RANBP2: variants seen among roughly 807,000 people sequenced by gnomAD.
RANBP2 encodes E3 SUMO-protein ligase RanBP2.
Under a neutral mutation model 303.6 loss-of-function variants are expected in RANBP2, and 57 were observed. That is an observed-to-expected ratio of 0.19 (90% CI 0.15 to 0.23). The LOEUF (loss-of-function observed/expected upper bound fraction) is 0.23. RANBP2 is among the 10% of genes least tolerant of loss of function. The pLI is 1.00. For synonymous variants in RANBP2, 1,167 were observed against 1,301.5 expected, an observed-to-expected ratio of 0.90 and a Z score of 2.23; for missense variants, 3,138 against 3,780.8, an observed-to-expected ratio of 0.83 and a Z score of 4.46.
chr2:109,490,516 C>A, the RANBP2 span: 19 of 1,082,554 alleles, frequency 1.8e-5, no homozygotes, highest in Non-Finnish European at 2.1e-5. Context: ...AATAAAGTTC[C>A]ACATAGGAAG....
the RANBP2 span, among the ~76,000 whole-genome samples, chr2:109,353,619 C>G: frequency 2.6e-5 from 4 of 152,160 alleles, no homozygotes; most frequent in Non-Finnish European, 5.9e-5. Flanking sequence ...GGTGAGAGTG[C>G]CTCTGTCTCC....
the RANBP2 span, among the ~76,000 whole-genome samples, chr2:109,065,698 A>G: frequency 1.3e-5 from 2 of 152,358 alleles, no homozygotes; most frequent in South Asian, 4.1e-4. Flanking sequence ...GGATGCATGT[A>G]GGAAGTCTCA....
the RANBP2 span, among the ~76,000 whole-genome samples, chr2:109,097,487 TC>T: frequency 6.6e-6 from 1 of 152,264 alleles, no homozygotes; most frequent in East Asian, 1.9e-4. Flanking sequence ...AAGGAGATAG[TC>T]TTTCAGAAGC....
At chr2:109,239,298 T>C in the RANBP2 span, among the ~76,000 whole-genome samples, 1 of 152,174 alleles carries the variant, frequency 6.6e-6, no homozygotes, top group Non-Finnish European at 1.5e-5. Context: ...GTATGGAAGC[T>C]TTTATCCCTT....
chr2:108,900,770 G>T, the RANBP2 span, among the ~76,000 whole-genome samples: 1 of 152,080 alleles, frequency 6.6e-6, no homozygotes, highest in Non-Finnish European at 1.5e-5. Context: ...TATAACATCA[G>T]TTAAAGTAGA....
the RANBP2 span, among the ~76,000 whole-genome samples, chr2:109,249,573 TTCCTTCCTTC>T: frequency 5.8e-3 from 796 of 137,376 alleles, 22 homozygotes; most frequent in Middle Eastern, 0.014. Context: ...CCTTCCTTCC[TTCCTTCCTTC>T]CTTTCCTTTC....
the RANBP2 span, among the ~76,000 whole-genome samples, chr2:109,287,014 T>C: frequency 6.6e-6 from 1 of 152,212 alleles, no homozygotes; most frequent in Non-Finnish European, 1.5e-5. Context: ...GTCCCTGTGC[T>C]CAGCTCTGCA....
At chr2:109,289,858 T>C in the RANBP2 span, among the ~76,000 whole-genome samples, 1 of 152,200 alleles carries the variant, frequency 6.6e-6, no homozygotes, top group Non-Finnish European at 1.5e-5. Flanking sequence ...TTTCCTCATA[T>C]TGTGTATCGC....
the RANBP2 span, among the ~76,000 whole-genome samples, chr2:108,908,354 T>C: frequency 2.0e-5 from 3 of 152,184 alleles, no homozygotes; most frequent in Non-Finnish European, 2.9e-5. Context: ...TGAAGGTTCA[T>C]TGAATATGTC....
chr2:109,519,372 C>T, the RANBP2 span, among the ~76,000 whole-genome samples: 1 of 152,212 alleles, frequency 6.6e-6, no homozygotes, highest in Non-Finnish European at 1.5e-5. Context: ...TACATTTCAA[C>T]ACGAGATTTG....
the RANBP2 span, among the ~76,000 whole-genome samples, chr2:108,817,571 A>G: frequency 1.3e-5 from 2 of 152,038 alleles, no homozygotes; most frequent in Non-Finnish European, 2.9e-5. Flanking sequence ...GATTACAGGC[A>G]TGAGCCACCG....
At chr2:109,129,395 C>A in the RANBP2 span, 2 of 1,362,252 alleles carry the variant, frequency 1.5e-6, no homozygotes, top group Non-Finnish European at 2.0e-6. Flanking sequence ...CGCACCGCCA[C>A]AGCCCTAGCA....
the RANBP2 span, among the ~76,000 whole-genome samples, chr2:108,997,027 TTG>T: frequency 6.6e-6 from 1 of 152,166 alleles, no homozygotes; most frequent in Non-Finnish European, 1.5e-5. Context: ...TGCAGTGTTT[TTG>T]TGTGTCCAGG....
the RANBP2 span, chr2:109,347,590 A>G: frequency 6.6e-7 from 1 of 1,516,122 alleles, no homozygotes; most frequent in Non-Finnish European, 8.9e-7. Context: ...AGCCCCTGAG[A>G]AGCCCCGGCC....
the RANBP2 span, among the ~76,000 whole-genome samples, chr2:109,309,647 A>G: frequency 2.3e-5 from 3 of 128,574 alleles, 1 homozygote; most frequent in African/African-American, 7.6e-5. Flanking sequence ...AAATAAAAGG[A>G]TGGAGGAAGA....
the RANBP2 span, among the ~76,000 whole-genome samples, chr2:108,898,744 T>TA: frequency 1.3e-5 from 2 of 151,924 alleles, no homozygotes; most frequent in South Asian, 2.1e-4. Flanking sequence ...ATAGAAAATG[T>TA]AAAAAAGAAA....
chr2:108,930,584 CA>C, the RANBP2 span, among the ~76,000 whole-genome samples: 1 of 152,114 alleles, frequency 6.6e-6, no homozygotes, highest in Admixed American at 6.5e-5. Context: ...GCCTCTAATA[CA>C]GTGGCTTCTC....
the RANBP2 span, among the ~76,000 whole-genome samples, chr2:109,625,316 A>G: frequency 8.5e-5 from 13 of 152,136 alleles, no homozygotes; most frequent in East Asian, 2.5e-3. Flanking sequence ...GAGAACAGAT[A>G]AATTGTGATG....
the RANBP2 span, chr2:109,564,338 G>T: frequency 1.3e-6 from 2 of 1,495,242 alleles, no homozygotes; most frequent in Non-Finnish European, 1.8e-6. Context: ...CTTCCTCTTT[G>T]GTTGGCTTCC....
Sources: gnomAD v4.1 joint callset for allele counts (sites outside exome capture counted in the v4.1 genomes callset) on GRCh38, gnomAD v4.1.1 for gene constraint, MANE v1.5 for transcripts, NCBI Gene and HGNC (gene_info 2026-07-23, HGNC 2026-07-21) for gene names.